RAPGEF6: variants seen among roughly 807,000 people sequenced by gnomAD.
RAPGEF6 encodes the protein Rap guanine nucleotide exchange factor 6.
RAPGEF6 carries 56 observed loss-of-function variants against 171.4 expected under a neutral mutation model. The ratio of observed to expected loss-of-function variants is 0.33; its 90% confidence interval spans 0.26 to 0.41. The LOEUF is 0.41. Among genes scored for constraint, RAPGEF6 ranks in the 10% least tolerant of loss-of-function variants. The pLI is 1.00. For synonymous variants in RAPGEF6, 692 were observed against 650.1 expected (o/e 1.06, Z -0.98); for missense variants, 1,674 against 1,921.4 (o/e 0.87, Z 2.41).
At chr5:131,445,753 G>A (rs1752650373) in intron 22 of RAPGEF6, among the ~76,000 whole-genome samples, 1 of 151,886 alleles carries the variant, frequency 6.6e-6, no homozygotes, top group African/African-American at 2.4e-5. Flanking sequence ...TTTTTTTGTA[G>A]AGATGGGGTC....
Position 131,424,781 on chromosome 5 carries a change from AACTT to A in RAPGEF6, c.*2481_*2484del, listed in dbSNP as rs1305651313. On this transcript the variant is annotated 3_prime_UTR_variant, in exon 28 of 28. Coordinates refer to ENST00000509018, the MANE Select transcript of RAPGEF6 (RefSeq NM_016340.6). ...TTTCACTATAAAGATATTTTGTTGA[AACTT>A]ACTATTTGGCAAAAGTTTGCACTGA... The A allele has an allele frequency of 2.6e-5, 4 of 152,288 alleles. No individual in the cohort carries two copies. The highest frequency in any genetic ancestry group is 7.2e-5 in the African/African-American group (3 of 41,446). The allele number at this position is 152,288 out of a possible 1,614,324, so 9.4% of individuals were successfully genotyped here. A position where few individuals can be genotyped will look rare whatever the true frequency, so the allele number is the denominator to read the frequency against.
intron 3 of RAPGEF6, among the ~76,000 whole-genome samples, chr5:131,600,027 AT>A (rs1764133526): frequency 6.6e-6 from 1 of 152,246 alleles, no homozygotes; most frequent in East Asian, 1.9e-4. Context: ...TACCCAACTT[AT>A]CTGAAAAGAA....
rs758260022 is a variant in RAPGEF6, at chr5:131,521,570, T to C, written c.496-49A>G. ...TATTCTAAATGTCAAGCTTTACCTT[T>C]TTAAGCGGTTTCGACATGTTCAACA... On this transcript the variant is annotated intron_variant, in intron 6 of 27. Transcript: ENST00000509018. 1.1e-5 allele frequency: 17 copies of C among 1,549,704 alleles called. No individual in the cohort carries two copies. The Admixed American group carries it at 3.3e-4, about 30-fold the overall frequency.
intron 24 of RAPGEF6, chr5:131,435,872 G>C: frequency 1.4e-6 from 2 of 1,443,610 alleles, no homozygotes; most frequent in Non-Finnish European, 1.8e-6. Context: ...CCTAAGCTTT[G>C]ACAAATGGTT....
At position 131,600,545 on chromosome 5, in the gene RAPGEF6, G is replaced by GAAGGAAGGAAGA. The variant is rs574236710; in HGVS notation, c.197+2725_197+2726insTCTTCCTTCCTT. ...AACTAACGAGAAGGAAGGAAGGAAGGAAGGAAGGGAGGGAGGGAGGGAGGG... is the reference window on the plus strand; with the variant it reads ...AACTAACGAGAAGGAAGGAAGGAAGGAAGGAAGGAAGAAAGGAAGGGAGGGAGGGAGGGAGGG... On this transcript the variant is annotated intron_variant, in intron 3 of 27. Coordinates refer to ENST00000509018, the MANE Select transcript of RAPGEF6 (RefSeq NM_016340.6). 1.5e-3 allele frequency among the ~76,000 whole-genome samples: 191 copies of GAAGGAAGGAAGA among 124,938 alleles called. 1 individual carries two copies. Among genetic ancestry groups the GAAGGAAGGAAGA allele is most frequent in the African/African-American group, 5.5e-3 (184 of 33,688 alleles). 82.0% of individuals were successfully genotyped at this position (124,938 alleles called of 152,430 possible). A position where few individuals can be genotyped will look rare whatever the true frequency, so the allele number is the denominator to read the frequency against.
intron 15 of RAPGEF6, among the ~76,000 whole-genome samples, chr5:131,483,007 C>T (rs907180625): frequency 1.3e-5 from 2 of 151,990 alleles, no homozygotes; most frequent in African/African-American, 2.4e-5. Flanking sequence ...TTTGAAGGGG[C>T]GATTTCCTTA....
In RAPGEF6 at chr5:131,507,930, A is replaced by C. The variant is rs1216079779; in HGVS notation, c.942+141T>G. The stretch of plus-strand genomic sequence containing the variant: ...ACTTACCTCTTCAGAAATTGTAACT[A>C]ACTCAAACTTGGCATTTATTTAAGA... On this transcript the variant is annotated intron_variant, in intron 9 of 27. Coordinates refer to ENST00000509018, the MANE Select transcript of RAPGEF6 (RefSeq NM_016340.6). 1.1e-5 allele frequency: 9 copies of C among 783,814 alleles called. No homozygotes were observed. The East Asian group carries it at 2.8e-4, about 24-fold the overall frequency. The allele number at this position is 783,814 out of a possible 1,614,324, so 48.6% of individuals were successfully genotyped here.
chr5:131,476,542 C>T (rs2149852675), intron 16 of RAPGEF6, among the ~76,000 whole-genome samples: 1 of 152,288 alleles, frequency 6.6e-6, no homozygotes, highest in South Asian at 2.1e-4. Context: ...TCGCCACAAC[C>T]TCCATCTCCC....
At chr5:131,452,126 A>G (rs1282346294) in intron 21 of RAPGEF6, among the ~76,000 whole-genome samples, 1 of 151,814 alleles carries the variant, frequency 6.6e-6, no homozygotes, top group East Asian at 1.9e-4. Flanking sequence ...AGGCTGAGGC[A>G]GGAGAATGGC....
intron 1 of RAPGEF6, among the ~76,000 whole-genome samples, chr5:131,608,815 CTT>C (rs34684896): frequency 6.0e-5 from 9 of 148,882 alleles, no homozygotes; most frequent in Non-Finnish European, 1.2e-4. Context: ...CACGTGATCT[CTT>C]TTTTTTTTCG....
chr5:131,624,885 G>A (rs1413281135), intron 1 of RAPGEF6, among the ~76,000 whole-genome samples: 2 of 152,204 alleles, frequency 1.3e-5, no homozygotes, highest in East Asian at 1.9e-4. Context: ...CACTTTGGGA[G>A]GTCGAGGCGG....
rs570853053 is a variant in RAPGEF6 at position 131,425,346 on chromosome 5, T to C, written c.*1920A>G. 2.0e-5 allele frequency: 3 copies of C among 152,466 alleles called. No individual in the cohort carries two copies. Among genetic ancestry groups the C allele is most frequent in the East Asian group, 1.9e-4 (1 of 5,324 alleles). The allele number at this position is 152,466 out of a possible 1,614,324, so 9.4% of individuals were successfully genotyped here. On this transcript the variant is annotated 3_prime_UTR_variant, in exon 28 of 28. Coordinates refer to ENST00000509018, the MANE Select transcript of RAPGEF6 (RefSeq NM_016340.6). The stretch of plus-strand genomic sequence containing the variant: ...CTGAATTTGATAAAAAAAGTGGGTA[T>C]AGCAAAAATATATTTCACATTGTTT...
chr5:131,574,865 C>T (rs1194350791), intron 4 of RAPGEF6, among the ~76,000 whole-genome samples: 1 of 152,144 alleles, frequency 6.6e-6, no homozygotes, highest in Non-Finnish European at 1.5e-5. Context: ...AGTACCCCAT[C>T]CCACAACAGG....
chr5:131,597,106 G>C (rs1763947914), intron 3 of RAPGEF6, among the ~76,000 whole-genome samples: 1 of 151,892 alleles, frequency 6.6e-6, no homozygotes, highest in Non-Finnish European at 1.5e-5. Flanking sequence ...ATAGCCAATA[G>C]GTATATAAAA....
chr5:131,562,084 T>G, intron 4 of RAPGEF6, 37 bp from the exon 5 acceptor site: 1 of 1,386,354 alleles, frequency 7.2e-7, no homozygotes, highest in South Asian at 1.3e-5. Context: ...TAGCAAAGGT[T>G]ATTAATAAAA....
intron 13 of RAPGEF6, 66 bp from the exon 14 acceptor site, chr5:131,492,851 C>A (rs944855306): frequency 7.0e-7 from 1 of 1,425,064 alleles, no homozygotes. Context: ...AAAAAGTCAA[C>A]GAAAATTATT....
chr5:131,524,609 TGAGAGAGA>T (rs55956395), intron 6 of RAPGEF6, among the ~76,000 whole-genome samples: 1,508 of 134,958 alleles, frequency 0.011, 17 homozygotes, highest in African/African-American at 0.022. Context: ...AGAGAGAGAT[TGAGAGAGA>T]GAGAGAGAGA....
At chr5:131,531,144 A>G (rs1332246083) in intron 6 of RAPGEF6, among the ~76,000 whole-genome samples, 1 of 152,214 alleles carries the variant, frequency 6.6e-6, no homozygotes, top group Non-Finnish European at 1.5e-5. Context: ...ACAGAAAAAC[A>G]CCACGATGCT....
intron 1 of RAPGEF6, among the ~76,000 whole-genome samples, chr5:131,617,201 C>A (rs1233693910): frequency 6.6e-6 from 1 of 152,134 alleles, no homozygotes; most frequent in Non-Finnish European, 1.5e-5. Context: ...CCCAGCTACT[C>A]AGGAGGCTGA....
Sources: allele counts gnomAD v4.1 joint callset (sites outside exome capture counted in the v4.1 genomes callset), GRCh38; gene constraint gnomAD v4.1.1; transcripts MANE v1.5; gene names NCBI Gene and HGNC (gene_info 2026-07-23, HGNC 2026-07-21).